Variants in SIPA1 observed in about 807,000 individuals in gnomAD.
SIPA1 encodes the protein signal-induced proliferation-associated 1.
In SIPA1, 51 loss-of-function variants were observed where a neutral mutation model predicts 88.1. The observed-to-expected ratio is 0.58, with a 90% confidence interval of 0.46 to 0.73. SIPA1 has a LOEUF of 0.73. Ranked by LOEUF, SIPA1 falls within the 30% of genes least tolerant of loss-of-function variation. The pLI, the probability that SIPA1 is intolerant of heterozygous loss-of-function variation, is 0.00. For synonymous variants in SIPA1, 681 were observed against 664.8 expected (o/e 1.02, Z -0.37); for missense variants, 1,348 against 1,467.6 (o/e 0.92, Z 1.33).
rs767408209 is a variant in SIPA1, at chr11:65,646,915, C to T, written c.1881C>T (p.Arg627=). The T allele has an allele frequency of 1.5e-4, 235 of 1,533,872 alleles. 2 individuals are homozygous for T. In the South Asian group the frequency reaches 2.3e-3, roughly 15 times the overall value. The change falls in exon 8 of 16, where the codon CGC becomes CGT. Residue 627 remains arginine, a synonymous_variant. Transcript: ENST00000534313. This position sits in a 1 kb window ranked among gnomAD's most constrained non-coding sequence, Gnocchi z 7.5. Reference sequence around the variant, plus strand: ...TGCTGGTGGCGCCGCGCGACGGCCGCGTAGTGTTCAATTGCGCCTGTCGCG... The same window carrying T: ...TGCTGGTGGCGCCGCGCGACGGCCGTGTAGTGTTCAATTGCGCCTGTCGCG... The part of the protein sequence containing the change: ...ALVLVAPRDG[R]VVFNCACRDV...
In SIPA1 at chr11:65,650,730, CCTGGGCCCCTGAGGGCACTGTGGTCACA is replaced by C. The variant is rs1189848233; in HGVS notation, c.*24_*51del. On this transcript the variant is annotated 3_prime_UTR_variant, in exon 16 of 16. Coordinates refer to ENST00000534313, the MANE Select transcript of SIPA1 (RefSeq NM_006747.4). ...ACCTGGCCTGAGCCGTCTGGAACCA[CCTGGGCCCCTGAGGGCACTGTGGTCACA>C]CTGGGCCCTCCTCAGGAACTCTCCC... 1.3e-6 allele frequency: 2 copies of C among 1,551,954 alleles called. No individual in the cohort carries two copies. The highest frequency in any genetic ancestry group is 2.7e-5 in the African/African-American group (2 of 73,646).
chr11:65,647,429 G>T lies in SIPA1; in HGVS notation c.2077G>T (p.Asp693Tyr). Residue 693 changes from aspartate to tyrosine, a missense_variant, in exon 9 of 16, where the codon GAC (aspartate) becomes TAC (tyrosine). Physicochemically the swap from Asp to Tyr is radical, Grantham distance 160 (BLOSUM62 -3). Around this residue, in one of 4 missense-constraint regions of SIPA1, gnomAD observed 615 missense variants for 559.8 expected, o/e 1.10. Transcript: ENST00000534313. The part of the protein sequence containing the change: ...CETRELALPR[D>Y]GQGRLGFEVD... ...GACCCGCGAGCTGGCGCTGCCCCGC[G>T]ACGGTCAAGGCCGCCTGGGCTTCGA... 1 of 1,480,060 alleles carries T rather than the reference G, an allele frequency of 6.8e-7. No individual in the cohort carries two copies. The highest frequency in any genetic ancestry group is 1.3e-5 in the South Asian group (1 of 79,922). 91.7% of individuals were successfully genotyped at this position (1,480,060 alleles called of 1,614,324 possible).
chr11:65,643,794 C>A (rs1242679574), intron 4 of SIPA1, among the ~76,000 whole-genome samples: 1 of 150,248 alleles, frequency 6.7e-6, no homozygotes, highest in African/African-American at 2.5e-5. Flanking sequence ...GTCAGTTCAG[C>A]GTGGCTGGGG....
chr11:65,647,719 C>A, intron 9 of SIPA1, 61 bp downstream of exon 9: 1 of 1,253,096 alleles, frequency 8.0e-7, no homozygotes. Flanking sequence ...GCGCAGTCTG[C>A]GCCTCCCGGG....
chr11:65,641,474 G>C lies in SIPA1; in HGVS notation c.553G>C (p.Val185Leu). The change falls in exon 2 of 16, where the codon GTG becomes CTG. Residue 185 changes from valine to leucine, a missense_variant. Physicochemically the swap from Val to Leu is conservative, Grantham distance 32. Around this residue, in one of 4 missense-constraint regions of SIPA1, gnomAD observed 641 missense variants for 797.7 expected, o/e 0.80. Coordinates refer to ENST00000534313, the MANE Select transcript of SIPA1 (RefSeq NM_006747.4). The part of the protein sequence containing the change: ...LGLGGPASPP[V>L]PPALPNAAVS... ...CCTGGGTGGACCAGCATCCCCACCT[G>C]TGCCCCCTGCACTGCCCAACGCGGC... 1 of 1,612,252 alleles carries C rather than the reference G, an allele frequency of 6.2e-7. No individual in the cohort carries two copies. Among genetic ancestry groups the C allele is most frequent in the Non-Finnish European group, 8.5e-7 (1 of 1,180,010 alleles).
In SIPA1 at chr11:65,649,570, G is replaced by A. The variant is rs749814319; in HGVS notation, c.2535G>A (p.Ser845=). The A allele has an allele frequency of 9.9e-6, 16 of 1,613,950 alleles. No individual in the cohort carries two copies. Among genetic ancestry groups the A allele is most frequent in the African/African-American group, 6.7e-5 (5 of 74,910 alleles). ...QNSLSPRSSL[S]DEAPVLPNTT... ...CCCCTGCTCTCCCCAGCTCTCTGTC[G>A]GATGAGGCCCCAGTCCTGCCCAACA... Residue 845 remains serine (S), a synonymous_variant, in exon 11 of 16, where the codon TCG becomes TCA. Coordinates refer to ENST00000534313, the MANE Select transcript of SIPA1 (RefSeq NM_006747.4).
rs775946479 is a variant in SIPA1 at position 65,641,469 on chromosome 11, C to T, written c.548C>T (p.Pro183Leu). Residue 183 changes from proline (P) to leucine (L), a missense_variant, in exon 2 of 16, where the codon CCA (proline) becomes CTA (leucine). Physicochemically the swap from Pro to Leu is moderately conservative, Grantham distance 98. Coordinates refer to ENST00000534313, the MANE Select transcript of SIPA1 (RefSeq NM_006747.4). ...CTAGGCCTGGGTGGACCAGCATCCC[C>T]ACCTGTGCCCCCTGCACTGCCCAAC... is the stretch of plus-strand genomic sequence containing the variant. ...GELGLGGPAS[P>L]PVPPALPNAA... 3 of 1,612,142 alleles carry T rather than the reference C, an allele frequency of 1.9e-6. No individual in the cohort carries two copies.
In SIPA1 at chr11:65,646,086, C is replaced by A; in HGVS notation, c.1263+129C>A. On this transcript the variant is annotated intron_variant, in intron 6 of 15. Coordinates refer to ENST00000534313, the MANE Select transcript of SIPA1 (RefSeq NM_006747.4). The surrounding 1 kb of genome is among the most constrained non-coding windows in gnomAD (Gnocchi z 7.5). ...GCCCGCCCCTCTGGTGGCCCCTTCC[C>A]AAAGACAGAAACACCCTAGGTCTTC... 1 of 1,324,616 alleles carries A rather than the reference C, an allele frequency of 7.5e-7. No homozygotes were observed. The highest frequency in any genetic ancestry group is 1.1e-6 in the Non-Finnish European group (1 of 947,448). The allele number at this position is 1,324,616 out of a possible 1,614,324, so 82.1% of individuals were successfully genotyped here.
intron 1 of SIPA1, chr11:65,640,132 T>C (rs1452900901): frequency 1.3e-5 from 2 of 152,244 alleles, no homozygotes; most frequent in African/African-American, 4.8e-5. Context: ...GCAGGGTGAC[T>C]GGGGTCCCAT....
Position 65,646,829 on chromosome 11 carries a change from G to C in SIPA1, c.1795G>C (p.Ala599Pro). The change falls in exon 8 of 16, where the codon GCG becomes CCG. Residue 599 changes from alanine to proline, a missense_variant. By Grantham distance (27) the Ala-to-Pro change is conservative. This residue lies in a region of SIPA1 where 68 missense variants were observed against 59.0 expected (regional missense o/e 1.15). Transcript: ENST00000534313. The surrounding 1 kb of genome is among the most constrained non-coding windows in gnomAD (Gnocchi z 7.5). ...GGCGCGGGTCGCCGCCGGGGCTCAG[G>C]CGAGCGGCCCCGAAGGCATCGAGGT... ...PGARVAAGAQ[A>P]SGPEGIEVPC... 7.6e-7 allele frequency: 1 copy of C among 1,322,814 alleles called. No individual in the cohort carries two copies. Among genetic ancestry groups the C allele is most frequent in the Non-Finnish European group, 9.6e-7 (1 of 1,038,718 alleles). The allele number at this position is 1,322,814 out of a possible 1,614,324, so 81.9% of individuals were successfully genotyped here.
chr11:65,642,287 C>T lies in SIPA1; in HGVS notation c.717C>T (p.Gly239=), dbSNP rs377665976. The T allele has an allele frequency of 3.1e-5, 48 of 1,555,198 alleles. No homozygotes were observed. The African/African-American group carries it at 6.3e-4, about 20-fold the overall frequency. ...QNFFGMDESL[G]PVAVSLRREE... ...TCTTCGGGATGGACGAGTCGCTGGG[C>T]CCGGTGGCAGTGAGCCTGCGGCGGG... The change falls in exon 3 of 16, where the codon GGC becomes GGT. Residue 239 remains glycine, a synonymous_variant. Coordinates refer to ENST00000534313, the MANE Select transcript of SIPA1 (RefSeq NM_006747.4). This position sits in a 1 kb window ranked among gnomAD's most constrained non-coding sequence, Gnocchi z 6.5.
rs1168919162 is a variant in SIPA1 at position 65,638,105 on chromosome 11, C to G, written c.-169C>G. 6.6e-6 allele frequency: 1 copy of G among 152,158 alleles called. No individual in the cohort carries two copies. The highest frequency in any genetic ancestry group is 1.9e-4 in the East Asian group (1 of 5,182). 9.4% of individuals were successfully genotyped at this position (152,158 alleles called of 1,614,324 possible). Reference sequence around the variant, plus strand: ...AGCATGGCCCCGCCCCCAGGCGGAGCCGGCGCCGGGAGCGGTAGCGGGAGA... The same window carrying G: ...AGCATGGCCCCGCCCCCAGGCGGAGGCGGCGCCGGGAGCGGTAGCGGGAGA... On this transcript the variant is annotated 5_prime_UTR_variant, in exon 1 of 16. Transcript: ENST00000534313.
chr11:65,646,423 T>G lies in SIPA1; in HGVS notation c.1422-33T>G, dbSNP rs769214596. ...CAGGTCTCCCGTGGGCATGGAGTCC[T>G]GCCGCCCCTCACTAACGCCTCCCTC... On this transcript the variant is annotated intron_variant, in intron 7 of 15. Coordinates refer to ENST00000534313, the MANE Select transcript of SIPA1 (RefSeq NM_006747.4). The surrounding 1 kb of genome is among the most constrained non-coding windows in gnomAD (Gnocchi z 7.5). The G allele has an allele frequency of 6.3e-7, 1 of 1,597,096 alleles. No individual in the cohort carries two copies. The highest frequency in any genetic ancestry group is 1.1e-5 in the South Asian group (1 of 90,842).
Position 65,646,482 on chromosome 11 carries a change from C to A in SIPA1, c.1448C>A (p.Thr483Asn). Residue 483 changes from threonine to asparagine, a missense_variant, in exon 8 of 16, where the codon ACC becomes AAC. Thr to Asn is a moderately conservative substitution (Grantham distance 65, BLOSUM62 0). Around this residue, in one of 4 missense-constraint regions of SIPA1, gnomAD observed 641 missense variants for 797.7 expected, o/e 0.80. Transcript: ENST00000534313. The surrounding 1 kb of genome is among the most constrained non-coding windows in gnomAD (Gnocchi z 7.5). ...YRVAVSRTQD[T>N]PAFGPALPAG... Reference sequence around the variant, plus strand: ...GTGGCCGTGAGCCGCACCCAGGACACCCCTGCCTTCGGGCCAGCTCTGCCT... The same window carrying A: ...GTGGCCGTGAGCCGCACCCAGGACAACCCTGCCTTCGGGCCAGCTCTGCCT... 6.3e-7 allele frequency: 1 copy of A among 1,582,958 alleles called. No individual in the cohort carries two copies.
At chr11:65,644,902 T>A in intron 4 of SIPA1, 53 bp from the exon 5 acceptor site, 7 of 1,547,084 alleles carry the variant, frequency 4.5e-6, no homozygotes, top group Non-Finnish European at 6.2e-6. Context: ...TAAGAGCTGG[T>A]GGGGTGGGGC....
chr11:65,647,252 T>A, intron 8 of SIPA1, 132 bp from the exon 9 acceptor site: 1 of 1,370,118 alleles, frequency 7.3e-7, no homozygotes, highest in Non-Finnish European at 9.5e-7. Flanking sequence ...TCTTCATCCC[T>A]CGGGCGGTGG....
In SIPA1 at chr11:65,646,153, C is replaced by A; in HGVS notation, c.1264-68C>A. 1 of 1,570,708 alleles carries A rather than the reference C, an allele frequency of 6.4e-7. No individual in the cohort carries two copies. Among genetic ancestry groups the A allele is most frequent in the South Asian group, 1.1e-5 (1 of 87,818 alleles). ...GAGCCATTGGTGCCTTGGCTTTCTC[C>A]TGCCTGAATGAGGAGGGGTTTGGGG... On this transcript the variant is annotated intron_variant, in intron 6 of 15. Coordinates refer to ENST00000534313, the MANE Select transcript of SIPA1 (RefSeq NM_006747.4). The surrounding 1 kb of genome is among the most constrained non-coding windows in gnomAD (Gnocchi z 7.5).
intron 14 of SIPA1, 98 bp from the exon 15 acceptor site, chr11:65,650,303 A>G (rs1363740343): frequency 6.5e-7 from 1 of 1,539,932 alleles, no homozygotes; most frequent in Non-Finnish European, 9.0e-7. Context: ...ATATGCCTAG[A>G]AGACCAGCGG....
Position 65,646,923 on chromosome 11 carries a change from T to C in SIPA1, c.1889T>C (p.Phe630Ser). 1 of 1,535,266 alleles carries C rather than the reference T, an allele frequency of 6.5e-7. No homozygotes were observed. The highest frequency in any genetic ancestry group is 8.7e-7 in the Non-Finnish European group (1 of 1,146,120). The change falls in exon 8 of 16, where the codon TTC (phenylalanine) becomes TCC (serine). Residue 630 changes from phenylalanine (F) to serine (S), a missense_variant. Coordinates refer to ENST00000534313, the MANE Select transcript of SIPA1 (RefSeq NM_006747.4). This position sits in a 1 kb window ranked among gnomAD's most constrained non-coding sequence, Gnocchi z 7.5. The stretch of plus-strand genomic sequence containing the variant: ...GCGCCGCGCGACGGCCGCGTAGTGT[T>C]CAATTGCGCCTGTCGCGACGTGCTG... ...LVAPRDGRVV[F>S]NCACRDVLAW... is the part of the protein sequence containing the mutation.
Sources: gnomAD v4.1 joint callset for allele counts (sites outside exome capture counted in the v4.1 genomes callset) on GRCh38, gnomAD v4.1.1 for gene constraint, gnomAD v4.1.1 regional missense constraint, Gnocchi (gnomAD v3.1) non-coding constraint, MANE v1.5 for transcripts, NCBI Gene and HGNC (gene_info 2026-07-23, HGNC 2026-07-21) for gene names.